TSPOAP1: variants seen among roughly 807,000 people sequenced by gnomAD.
TSPOAP1 encodes the protein TSPO associated protein 1, also known as peripheral-type benzodiazepine receptor-associated protein 1.
Under a neutral mutation model 197.0 loss-of-function variants are expected in TSPOAP1, and 87 were observed. That is an observed-to-expected ratio of 0.44 (90% CI 0.37 to 0.53). The LOEUF (loss-of-function observed/expected upper bound fraction) is 0.53. TSPOAP1 is among the 20% of genes least tolerant of loss of function. The pLI is 0.00. For missense variants in TSPOAP1, 2,174 were observed against 2,411.3 expected (o/e 0.90, Z 2.06); for synonymous variants, 913 against 998.9 (o/e 0.91, Z 1.62).
In TSPOAP1 at chr17:58,304,926, C is replaced by T. The variant is rs753921812; in HGVS notation, c.5544+135G>A. On this transcript the variant is annotated intron_variant, in intron 30 of 31. Transcript: ENST00000343736. This position sits in a 1 kb window ranked among gnomAD's most constrained non-coding sequence, Gnocchi z 4.2. ...GGGCTCCCCTCTGGTGGTCAATTAG[C>T]GGCTGCACGCTGGACACAGTGCTTA... 21 of 733,450 alleles carry T rather than the reference C, an allele frequency of 2.9e-5. No individual in the cohort carries two copies. The highest frequency in any genetic ancestry group is 1.8e-4 in the Admixed American group (9 of 50,804). 45.4% of individuals were successfully genotyped at this position (733,450 alleles called of 1,614,324 possible).
chr17:58,323,257 G>T, intron 7 of TSPOAP1, 41 bp downstream of exon 7: 1 of 1,610,660 alleles, frequency 6.2e-7, no homozygotes. Context: ...TGGCCGGGGT[G>T]AAGGGAGGAG....
intron 24 of TSPOAP1, 180 bp downstream of exon 24, chr17:58,307,431 A>T: frequency 1.3e-6 from 1 of 765,196 alleles, no homozygotes; most frequent in Non-Finnish European, 2.1e-6. Context: ...CAGGGGGCCT[A>T]GGTAATCTAC....
intron 7 of TSPOAP1, 114 bp from the exon 8 acceptor site, chr17:58,323,153 G>A: frequency 6.8e-7 from 1 of 1,464,274 alleles, no homozygotes; most frequent in Middle Eastern, 1.8e-4. Context: ...GCTGGAACCT[G>A]CACCAGCCAG....
In TSPOAP1 at chr17:58,327,846, A is replaced by G. The variant is rs549753964; in HGVS notation, c.75T>C (p.His25=). Residue 25 remains histidine (H), a synonymous_variant, in exon 1 of 32, where the codon CAT becomes CAC. Coordinates refer to ENST00000343736, the MANE Select transcript of TSPOAP1 (RefSeq NM_004758.4). ...CACCCCCTCGACCTGGAGTCCAGCT[A>G]TGCCAGGTGGGCAGTGCCCATGGCT... The part of the protein sequence containing the change: ...AMEPWALPTW[H]SWTPGRGGEP... 6.2e-7 allele frequency: 1 copy of G among 1,613,842 alleles called. No individual in the cohort carries two copies. Among genetic ancestry groups the G allele is most frequent in the East Asian group, 2.2e-5 (1 of 44,892 alleles).
chr17:58,327,496 G>T (rs1971674802), intron 1 of TSPOAP1, 92 bp downstream of exon 1: 3 of 1,314,150 alleles, frequency 2.3e-6, no homozygotes, highest in Non-Finnish European at 2.1e-6. Flanking sequence ...TGGGCATTGG[G>T]GATGCATACC....
intron 24 of TSPOAP1, 23 bp downstream of exon 24, chr17:58,307,588 A>G (rs1970938578): frequency 6.2e-7 from 1 of 1,610,312 alleles, no homozygotes; most frequent in Non-Finnish European, 8.5e-7. Context: ...TGGAATTCTG[A>G]GCCCTGATGG....
intron 3 of TSPOAP1, 65 bp from the exon 4 acceptor site, chr17:58,325,778 C>T: frequency 6.6e-7 from 1 of 1,503,858 alleles, no homozygotes; most frequent in Non-Finnish European, 8.9e-7. Flanking sequence ...CACTCCTCAT[C>T]TCCTCCCAAA....
chr17:58,326,258 C>G lies in TSPOAP1; in HGVS notation c.570+35G>C. 1 of 1,610,988 alleles carries G rather than the reference C, an allele frequency of 6.2e-7. No homozygotes were observed. The highest frequency in any genetic ancestry group is 8.5e-7 in the Non-Finnish European group (1 of 1,178,406). ...AGCCCTGGCTCCCCTCTTCCTTGGTCACCCAGCCTCCGCCCAGCAGCCTCC... is the reference window on the plus strand; with the variant it reads ...AGCCCTGGCTCCCCTCTTCCTTGGTGACCCAGCCTCCGCCCAGCAGCCTCC... On this transcript the variant is annotated intron_variant, in intron 3 of 31. Coordinates refer to ENST00000343736, the MANE Select transcript of TSPOAP1 (RefSeq NM_004758.4). The surrounding 1 kb of genome is among the most constrained non-coding windows in gnomAD (Gnocchi z 4.7).
Position 58,310,921 on chromosome 17 carries a change from T to G in TSPOAP1, c.3374A>C (p.Gln1125Pro), listed in dbSNP as rs746278177. Residue 1125 changes from glutamine to proline, a missense_variant, in exon 19 of 32, where the codon CAA becomes CCA. By Grantham distance (76) the Gln-to-Pro change is moderately conservative. This residue lies in a region of TSPOAP1 where 1,933 missense variants were observed against 2,139.0 expected (regional missense o/e 0.90). Coordinates refer to ENST00000343736, the MANE Select transcript of TSPOAP1 (RefSeq NM_004758.4). ...PLQHPAPLGT[Q>P]EPPGAPPASP... ...TGCAGGGGGTGCTCCTGGAGGCTCT[T>G]GAGTTCCAAGGGGAGCAGGGTGCTG... 22 of 1,554,614 alleles carry G rather than the reference T, an allele frequency of 1.4e-5. No homozygotes were observed. Among genetic ancestry groups the G allele is most frequent in the Middle Eastern group, 3.5e-4 (2 of 5,792 alleles).
chr17:58,315,936 G>GATGGATGGATGA lies in TSPOAP1; in HGVS notation c.2098+86_2098+87insTCATCCATCCAT, dbSNP rs1555619872. 2,466 of 663,202 alleles carry GATGGATGGATGA rather than the reference G, an allele frequency of 3.7e-3. 15 individuals carry two copies. The highest frequency in any genetic ancestry group is 3.4e-3 in the South Asian group (204 of 60,504). The allele number at this position is 663,202 out of a possible 1,614,324, so 41.1% of individuals were successfully genotyped here. On this transcript the variant is annotated intron_variant, in intron 16 of 31. Coordinates refer to ENST00000343736, the MANE Select transcript of TSPOAP1 (RefSeq NM_004758.4). ...GGATGGATGGATGGATGGATGAATG[G>GATGGATGGATGA]ATGGATGGATGGATGGATATCCGTC...
At position 58,304,855 on chromosome 17, in the gene TSPOAP1, A is replaced by AT; in HGVS notation, c.5544+205dup. ...CCTGAGGGTCAGGGTCACAGCTATC[A>AT]TCCCTCTGCAGAGAGGGGCACATAC... On this transcript the variant is annotated intron_variant, in intron 30 of 31. Coordinates refer to ENST00000343736, the MANE Select transcript of TSPOAP1 (RefSeq NM_004758.4). The surrounding 1 kb of genome is among the most constrained non-coding windows in gnomAD (Gnocchi z 4.2). The AT allele has an allele frequency of 1.5e-6, 1 of 678,494 alleles. No individual in the cohort carries two copies. Among genetic ancestry groups the AT allele is most frequent in the South Asian group, 1.5e-5 (1 of 64,660 alleles). The allele number at this position is 678,494 out of a possible 1,614,324, so 42.0% of individuals were successfully genotyped here.
At chr17:58,317,998 A>G (rs1378833349) in intron 14 of TSPOAP1, among the ~76,000 whole-genome samples, 1 of 152,202 alleles carries the variant, frequency 6.6e-6, no homozygotes, top group Non-Finnish European at 1.5e-5. Flanking sequence ...CTGGTGCCCA[A>G]GTGTCTCCTC....
chr17:58,305,227 C>G, intron 29 of TSPOAP1, 56 bp from the exon 30 acceptor site: 1 of 1,513,672 alleles, frequency 6.6e-7, no homozygotes, highest in Non-Finnish European at 9.2e-7. Flanking sequence ...GGCCCTGCCC[C>G]TCGACTCTGA....
At position 58,308,588 on chromosome 17, in the gene TSPOAP1, G is replaced by T. The variant is rs758175154; in HGVS notation, c.4684C>A (p.Arg1562=). ...CTGCCCGTCGCACTGCGGCCTCTCC[G>T]CTCTGGTTCCCCTTTCTCCCAGGCT... ...LPAWEKGEPE[R]RGRSATGRAK... Residue 1562 remains arginine, a synonymous_variant, in exon 22 of 32, where the codon CGG becomes AGG. Transcript: ENST00000343736. 3.8e-6 allele frequency: 6 copies of T among 1,576,718 alleles called. No homozygotes were observed. Among genetic ancestry groups the T allele is most frequent in the Non-Finnish European group, 5.2e-6 (6 of 1,159,218 alleles).
At position 58,310,501 on chromosome 17, in the gene TSPOAP1, C is replaced by T. The variant is rs1971046472; in HGVS notation, c.3699+11G>A. On this transcript the variant is annotated intron_variant, in intron 20 of 31. Transcript: ENST00000343736. Reference sequence around the variant, plus strand: ...TCTCTGAAGTGACACAGTGTGTCCCCAAACCCCTACCTCAGCCCTGGGCCT... The same window carrying T: ...TCTCTGAAGTGACACAGTGTGTCCCTAAACCCCTACCTCAGCCCTGGGCCT... 1 of 1,612,018 alleles carries T rather than the reference C, an allele frequency of 6.2e-7. No individual in the cohort carries two copies. The highest frequency in any genetic ancestry group is 1.7e-5 in the Admixed American group (1 of 59,882).
At position 58,310,637 on chromosome 17, in the gene TSPOAP1, C is replaced by T. The variant is rs371790488; in HGVS notation, c.3574G>A (p.Glu1192Lys). ...AAPSLAKQEA[E>K]WTAGEACPAS... is the part of the protein sequence containing the mutation. The stretch of plus-strand genomic sequence containing the variant: ...GGACAGGCCTCTCCTGCAGTCCACT[C>T]GGCCTCCTGCTTGGCCAGTGAGGGA... Residue 1192 changes from glutamate to lysine, a missense_variant, in exon 20 of 32, where the codon GAG (glutamate) becomes AAG (lysine). By Grantham distance (56) the Glu-to-Lys change is moderately conservative (BLOSUM62 1). Transcript: ENST00000343736. 2.3e-5 allele frequency: 37 copies of T among 1,613,016 alleles called. No individual in the cohort carries two copies. The highest frequency in any genetic ancestry group is 5.3e-5 in the African/African-American group (4 of 74,924).
Position 58,325,014 on chromosome 17 carries a change from G to A in TSPOAP1, c.751-12C>T. On this transcript the variant is annotated splice_polypyrimidine_tract_variant and intron_variant, in intron 4 of 31. Transcript: ENST00000343736. ...CACTGGGGACCCTCCTGAGGTTGGG[G>A]GACAGGGACAGGGAGGGGACTCAGG... The A allele has an allele frequency of 2.6e-6, 4 of 1,511,146 alleles. No homozygotes were observed. Among genetic ancestry groups the A allele is most frequent in the Non-Finnish European group, 3.5e-6 (4 of 1,127,726 alleles). The allele number at this position is 1,511,146 out of a possible 1,614,324, so 93.6% of individuals were successfully genotyped here.
chr17:58,302,116 C>A lies in TSPOAP1; in HGVS notation c.*364G>T. The A allele has an allele frequency of 1.5e-6, 1 of 674,790 alleles. No individual in the cohort carries two copies. Among genetic ancestry groups the A allele is most frequent in the Non-Finnish European group, 2.1e-6 (1 of 473,278 alleles). 41.8% of individuals were successfully genotyped at this position (674,790 alleles called of 1,614,324 possible). ...CCTTAAGGAGCCATTTAGCTCTGAC[C>A]TTCACCAAGGCTCTTTGATTCCCTC... On this transcript the variant is annotated 3_prime_UTR_variant, in exon 32 of 32. Transcript: ENST00000343736.
At chr17:58,306,256 CCT>C in intron 26 of TSPOAP1, 84 bp downstream of exon 26, 1 of 1,316,830 alleles carries the variant, frequency 7.6e-7, no homozygotes, top group South Asian at 1.3e-5. Context: ...CCTCCCAGCA[CCT>C]GAGAGAAAAC....
Sources: gnomAD v4.1 joint callset for allele counts (sites outside exome capture counted in the v4.1 genomes callset) on GRCh38, gnomAD v4.1.1 for gene constraint, gnomAD v4.1.1 regional missense constraint, Gnocchi (gnomAD v3.1) non-coding constraint, MANE v1.5 for transcripts, NCBI Gene and HGNC (gene_info 2026-07-23, HGNC 2026-07-21) for gene names.